The following CALN1 variants were observed in gnomAD, a reference collection of about 807,000 sequenced individuals.
CALN1 encodes calcium-binding protein 8.
CALN1 carries 17 observed loss-of-function variants against 30.6 expected under a neutral mutation model. The observed-to-expected ratio is 0.56, with a 90% CI of 0.38 to 0.83. The LOEUF is 0.83. Among genes scored for constraint, CALN1 ranks in the 40% least tolerant of loss-of-function variants. The pLI, the probability that CALN1 is intolerant of heterozygous loss-of-function variation, is 0.00. For missense variants in CALN1, 291 were observed against 354.9 expected, an observed-to-expected ratio of 0.82 and a Z score of 1.45; for synonymous variants, 156 against 131.4, an observed-to-expected ratio of 1.19 and a Z score of -1.28.
the CALN1 span, among the ~76,000 whole-genome samples, chr7:72,467,632 C>T: frequency 4.3e-4 from 65 of 152,252 alleles, no homozygotes; most frequent in African/African-American, 1.5e-3. Context: ...CAGAGCTGGC[C>T]GTCCATAGCC....
intron 6 of CALN1, among the ~76,000 whole-genome samples, chr7:71,795,235 C>T (rs6975073): frequency 0.34 from 52,196 of 151,804 alleles, 13,101 homozygotes; most frequent in East Asian, 0.89. Flanking sequence ...TTGGCCAAGA[C>T]GGTCTCGATC....
At chr7:72,264,712 C>T (rs937752418) in intron 3 of CALN1, among the ~76,000 whole-genome samples, 2 of 152,090 alleles carry the variant, frequency 1.3e-5, no homozygotes, top group Non-Finnish European at 2.9e-5. Context: ...TAGGGGTACA[C>T]GTGCAGATTT....
intron 3 of CALN1, among the ~76,000 whole-genome samples, chr7:72,230,351 A>AG (rs1794007076): frequency 6.6e-6 from 1 of 150,592 alleles, no homozygotes; most frequent in African/African-American, 2.4e-5. Context: ...CTAAAAAAAA[A>AG]AAAAAATTAG....
intron 3 of CALN1, among the ~76,000 whole-genome samples, chr7:72,272,487 A>C (rs979311085): frequency 1.3e-5 from 2 of 152,114 alleles, no homozygotes; most frequent in Non-Finnish European, 2.9e-5. Context: ...ACTTGAACCC[A>C]GGAGGTGGAG....
At chr7:72,410,362 C>A (rs1295870206) in intron 1 of CALN1, among the ~76,000 whole-genome samples, 1 of 152,188 alleles carries the variant, frequency 6.6e-6, no homozygotes, top group Non-Finnish European at 1.5e-5. Flanking sequence ...AAAAAGAAAT[C>A]TAAAACTGCC....
intron 3 of CALN1, among the ~76,000 whole-genome samples, chr7:72,174,580 C>A (rs1440596832): frequency 6.6e-6 from 1 of 152,098 alleles, no homozygotes; most frequent in Non-Finnish European, 1.5e-5. Context: ...CAATAAAAAA[C>A]AAACTACAGA....
chr7:72,236,344 G>A (rs1163508995), intron 3 of CALN1, among the ~76,000 whole-genome samples: 1 of 152,152 alleles, frequency 6.6e-6, no homozygotes, highest in African/African-American at 2.4e-5. Context: ...GAAATTCTCA[G>A]TGTTCAGAGC....
At chr7:72,463,746 A>G in the CALN1 span, among the ~76,000 whole-genome samples, 1 of 151,720 alleles carries the variant, frequency 6.6e-6, no homozygotes, top group Non-Finnish European at 1.5e-5. Flanking sequence ...TTTTTTGTAT[A>G]GATGGGGTCT....
intron 1 of CALN1, among the ~76,000 whole-genome samples, chr7:72,441,426 C>A (rs1358650449): frequency 6.6e-6 from 1 of 151,702 alleles, no homozygotes; most frequent in East Asian, 1.9e-4. Context: ...GATGAAACCC[C>A]GTCTCTACTA....
At chr7:72,096,932 G>A (rs1806275876) in intron 4 of CALN1, among the ~76,000 whole-genome samples, 1 of 152,196 alleles carries the variant, frequency 6.6e-6, no homozygotes, top group South Asian at 2.1e-4. Flanking sequence ...ATGATAGACT[G>A]GATTAAGAAC....
chr7:71,948,395 AAGAG>A (rs1220136889), intron 5 of CALN1, among the ~76,000 whole-genome samples: 2 of 152,142 alleles, frequency 1.3e-5, no homozygotes, highest in African/African-American at 4.8e-5. Context: ...ATGGCCTTCT[AAGAG>A]AGAGTCATCA....
chr7:72,257,179 T>C (rs1490949269), intron 3 of CALN1, among the ~76,000 whole-genome samples: 1 of 152,116 alleles, frequency 6.6e-6, no homozygotes, highest in African/African-American at 2.4e-5. Context: ...TCAAATCTCG[T>C]GAGAACTCAC....
At chr7:72,015,928 A>C (rs1158828080) in intron 5 of CALN1, among the ~76,000 whole-genome samples, 1 of 152,000 alleles carries the variant, frequency 6.6e-6, no homozygotes, top group Non-Finnish European at 1.5e-5. Context: ...ACTGCTGAAA[A>C]CTATTAAGGT....
intron 5 of CALN1, among the ~76,000 whole-genome samples, chr7:71,885,508 T>A (rs1404763932): frequency 1.3e-5 from 2 of 152,216 alleles, no homozygotes; most frequent in East Asian, 3.9e-4. Flanking sequence ...TTAAGATGTA[T>A]AAAACAAAGC....
the CALN1 span, among the ~76,000 whole-genome samples, chr7:72,454,694 AC>A: frequency 1.3e-5 from 2 of 151,938 alleles, no homozygotes; most frequent in African/African-American, 4.8e-5. Flanking sequence ...TCATCGTCCT[AC>A]CCCTCTCCAC....
chr7:72,161,630 T>C (rs1342729786), intron 3 of CALN1, among the ~76,000 whole-genome samples: 2 of 152,182 alleles, frequency 1.3e-5, no homozygotes, highest in Non-Finnish European at 2.9e-5. Flanking sequence ...GGTAGAATGC[T>C]GGGCAAAGAA....
At chr7:72,061,171 T>C (rs1803620492) in intron 4 of CALN1, among the ~76,000 whole-genome samples, 1 of 152,144 alleles carries the variant, frequency 6.6e-6, no homozygotes, top group Non-Finnish European at 1.5e-5. Flanking sequence ...CAACATTCTC[T>C]GGAGGATTTA....
intron 3 of CALN1, among the ~76,000 whole-genome samples, chr7:72,204,305 G>C (rs973623709): frequency 6.6e-6 from 1 of 151,510 alleles, no homozygotes; most frequent in African/African-American, 2.4e-5. Context: ...AAAGCCAAGA[G>C]GACTCTTTTT....
chr7:71,870,200 C>T (rs559638286), intron 5 of CALN1, among the ~76,000 whole-genome samples: 30 of 152,048 alleles, frequency 2.0e-4, no homozygotes, highest in Non-Finnish European at 3.8e-4. Context: ...CTGGCCAACA[C>T]GGTGAAACCC....
Sources: allele counts gnomAD v4.1 joint callset (sites outside exome capture counted in the v4.1 genomes callset), GRCh38; gene constraint gnomAD v4.1.1; transcripts MANE v1.5; gene names NCBI Gene and HGNC (gene_info 2026-07-23, HGNC 2026-07-21).